Variants in NBPF12 observed in about 807,000 individuals in gnomAD.
The protein encoded by NBPF12 is NBPF family member NBPF12.
Under a neutral mutation model 146.4 loss-of-function variants are expected in NBPF12, and 115 were observed. The observed-to-expected ratio is 0.79, with a 90% CI of 0.68 to 0.92. The LOEUF (loss-of-function observed/expected upper bound fraction) is 0.92. Ranked by LOEUF, NBPF12 falls within the 40% of genes least tolerant of loss-of-function variation. The probability of loss-of-function intolerance (pLI) is 0.00; values close to 1 mark genes in which losing one functional copy is unlikely to be tolerated. For synonymous variants in NBPF12, 385 were observed against 508.9 expected, an observed-to-expected ratio of 0.76 and a Z score of 3.28; for missense variants, 1,205 against 1,326.8, an observed-to-expected ratio of 0.91 and a Z score of 1.43.
At chr1:146,977,097 C>T in intron 17 of NBPF12, 96 bp downstream of exon 20, 4 of 656,804 alleles carry the variant, frequency 6.1e-6, no homozygotes, top group Non-Finnish European at 1.1e-5. Flanking sequence ...GGCCAAAAAC[C>T]CGCATTCGCT....
Position 146,970,667 on chromosome 1 carries a change from GA to G in NBPF12, c.1329del (p.Asp444MetfsTer70). On this transcript the variant is annotated frameshift_variant, in exon 12 of 34. Coordinates refer to ENST00000617844, the Ensembl canonical transcript of NBPF12. LOFTEE classifies it high-confidence loss of function. ...TATAGAAAATGATGAAGATGAGGAT[GA>G]AGATGTTCAAGTTGAGGAGGATGAG... 2 of 1,489,612 alleles carry G rather than the reference GA, an allele frequency of 1.3e-6. No homozygotes were observed. Among genetic ancestry groups the G allele is most frequent in the Non-Finnish European group, 1.9e-6 (2 of 1,069,990 alleles). 92.3% of individuals were successfully genotyped at this position (1,489,612 alleles called of 1,614,324 possible). A position where few individuals can be genotyped will look rare whatever the true frequency, so the allele number is the denominator to read the frequency against.
In NBPF12 at chr1:146,968,623, G is replaced by A. The variant is rs1559522194; in HGVS notation, c.1091+73G>A. On this transcript the variant is annotated intron_variant, in intron 10 of 33. Coordinates refer to ENST00000617844, the Ensembl canonical transcript of NBPF12. The stretch of plus-strand genomic sequence containing the variant: ...CTGAAGTACAACAGCTCGGTGGGGA[G>A]ACTTAAGAGCTAAGCTGGGCCAGGG... The A allele has an allele frequency of 3.0e-5, 43 of 1,423,478 alleles. No homozygotes were observed. In the South Asian group the frequency reaches 4.9e-4, roughly 16 times the overall value. The allele number at this position is 1,423,478 out of a possible 1,614,324, so 88.2% of individuals were successfully genotyped here.
chr1:146,970,203 G>T (rs1354669373), intron 11 of NBPF12, among the ~76,000 whole-genome samples: 1 of 150,662 alleles, frequency 6.6e-6, no homozygotes, highest in Non-Finnish European at 1.5e-5. Context: ...GAATAACACA[G>T]CAGAAGCCAC....
exon 6 of NBPF12, chr1:146,963,191 G>T (rs1655972436): frequency 6.3e-7 from 1 of 1,597,470 alleles, no homozygotes; most frequent in Non-Finnish European, 8.6e-7. Flanking sequence ...CATTGAATGA[G>T]CATCTCCAGG....
rs1162462110 is a variant in NBPF12 at position 146,965,791 on chromosome 1, C to CAAAAAAAAAA, written c.779-653_779-644dup. On this transcript the variant is annotated intron_variant, in intron 8 of 33. Coordinates refer to ENST00000617844, the Ensembl canonical transcript of NBPF12. ...TGGGAGACAGAGCGAGACTGCATCTCAAAAAAAAAAAAAAAAAAAAAAAAA... is the reference window on the plus strand; with the variant it reads ...TGGGAGACAGAGCGAGACTGCATCTCAAAAAAAAAAAAAAAAAAAAAAAAAAAAAAAAAAA... Among the ~76,000 whole-genome samples, 267 of 30,062 alleles carry CAAAAAAAAAA rather than the reference C, an allele frequency of 8.9e-3. 60 individuals are homozygous for CAAAAAAAAAA. The highest frequency in any genetic ancestry group is 0.12 in the Middle Eastern group (2 of 16). 19.7% of individuals were successfully genotyped at this position (30,062 alleles called of 152,430 possible). A position where few individuals can be genotyped will look rare whatever the true frequency, so the allele number is the denominator to read the frequency against.
At chr1:146,995,811 C>A (rs1396172266) in exon 34 of NBPF12, 4 of 149,774 alleles carry the variant, frequency 2.7e-5, no homozygotes, top group Non-Finnish European at 5.9e-5. Context: ...TTTAGAGACA[C>A]CTTACTTATA....
At chr1:146,954,778 A>G (rs1655490369) in intron 2 of NBPF12, among the ~76,000 whole-genome samples, 1 of 150,454 alleles carries the variant, frequency 6.6e-6, no homozygotes, top group African/African-American at 2.4e-5. Flanking sequence ...TTTGTTGAAA[A>G]AAAAATAGAA....
At chr1:146,984,494 A>T (rs1183292954) in intron 21 of NBPF12, among the ~76,000 whole-genome samples, 2 of 149,494 alleles carry the variant, frequency 1.3e-5, no homozygotes, top group Admixed American at 6.6e-5. Context: ...ATCACTGTTC[A>T]CTGTGTGTCC....
At chr1:146,972,803 C>T (rs1186654292) in exon 14 of NBPF12, 1 of 1,339,132 alleles carries the variant, frequency 7.5e-7, no homozygotes, top group Non-Finnish European at 1.1e-6. Context: ...TATCAGCCGG[C>T]CCTTTGTCCA....
At chr1:146,973,028 G>T in intron 14 of NBPF12, 68 bp downstream of exon 17, 1 of 793,956 alleles carries the variant, frequency 1.3e-6, no homozygotes, top group Non-Finnish European at 2.3e-6. Context: ...GAGAAACTAA[G>T]TGCTCTCTCC....
At chr1:146,978,345 A>G (rs1329571629) in intron 18 of NBPF12, among the ~76,000 whole-genome samples, 1 of 142,988 alleles carries the variant, frequency 7.0e-6, no homozygotes, top group East Asian at 2.1e-4. Context: ...ACTTGGTGCA[A>G]CCTCTGCCTC....
upstream of NBPF12, among the ~76,000 whole-genome samples, chr1:146,948,773 G>A (rs1213297996): frequency 1.4e-4 from 21 of 151,434 alleles, no homozygotes; most frequent in Non-Finnish European, 2.4e-4. Flanking sequence ...AGGAAGGAAG[G>A]CCTCTTTGCA....
At chr1:146,976,783 G>T in intron 16 of NBPF12, 146 bp from the exon 20 acceptor site, 1 of 575,170 alleles carries the variant, frequency 1.7e-6, no homozygotes, top group South Asian at 2.0e-5. Context: ...ACCATGCCAG[G>T]GCATTCTGTT....
intron 8 of NBPF12, among the ~76,000 whole-genome samples, chr1:146,965,791 CAAAAAAAAAAAAAAAA>C (rs1162462110): frequency 2.7e-4 from 8 of 30,056 alleles, no homozygotes; most frequent in African/African-American, 6.5e-4. Flanking sequence ...GACTGCATCT[CAAAAAAAAAAAAAAAA>C]AAAAAAAAAA....
intron 8 of NBPF12, among the ~76,000 whole-genome samples, chr1:146,965,464 CTT>C (rs1383771423): frequency 1.3e-5 from 2 of 150,914 alleles, no homozygotes; most frequent in African/African-American, 4.9e-5. Context: ...GCTAGACTCT[CTT>C]TTTCATTGGC....
In NBPF12 at chr1:146,956,430, G is replaced by A. The variant is rs1476430238; in HGVS notation, c.-183-3429G>A. 8.6e-5 allele frequency among the ~76,000 whole-genome samples: 13 copies of A among 151,858 alleles called. 1 individual carries two copies. The highest frequency in any genetic ancestry group is 2.9e-4 in the African/African-American group (12 of 41,244). On this transcript the variant is annotated intron_variant, in intron 2 of 33. Coordinates refer to ENST00000617844, the Ensembl canonical transcript of NBPF12. The stretch of plus-strand genomic sequence containing the variant: ...CTATCTTGGTTGTGGCAGTAGTTCC[G>A]TTAGTGCATCCATTTGTAAACGTGC...
At chr1:146,964,572 A>C (rs1656069618) in intron 7 of NBPF12, 143 bp downstream of exon 10, 2 of 1,338,566 alleles carry the variant, frequency 1.5e-6, no homozygotes. Flanking sequence ...GCTTAGACAC[A>C]GGGTGCGACA....
intron 9 of NBPF12, among the ~76,000 whole-genome samples, chr1:146,967,690 G>A (rs1311541558): frequency 1.3e-5 from 2 of 149,672 alleles, no homozygotes; most frequent in African/African-American, 5.0e-5. Context: ...CTCCATCCAA[G>A]GTGCTTGTCT....
At chr1:146,940,000 C>T (rs1454610017) in intron 1 of NBPF12, among the ~76,000 whole-genome samples, 1 of 149,294 alleles carries the variant, frequency 6.7e-6, no homozygotes, top group East Asian at 2.0e-4. Flanking sequence ...AAAAAAAAGC[C>T]TTTTCTTGCA....
Sources: allele counts gnomAD v4.1 joint callset (sites outside exome capture counted in the v4.1 genomes callset), GRCh38; gene constraint gnomAD v4.1.1; transcripts MANE v1.5; gene names NCBI Gene and HGNC (gene_info 2026-07-23, HGNC 2026-07-21).